The following SYNPR variants were observed in gnomAD, a reference collection of about 807,000 sequenced individuals.
The protein encoded by SYNPR is synaptoporin.
In SYNPR, 23 loss-of-function variants were observed where a neutral mutation model predicts 32.9. The observed-to-expected ratio is 0.70, with a 90% CI of 0.50 to 0.99. SYNPR has a LOEUF of 0.99. Among genes scored for constraint, SYNPR ranks in the 50% least tolerant of loss-of-function variants. The probability of loss-of-function intolerance (pLI) is 0.00; values close to 1 mark genes in which losing one functional copy is unlikely to be tolerated. For synonymous variants in SYNPR, 146 were observed against 135.9 expected (o/e 1.07, Z -0.52); for missense variants, 318 against 349.3 (o/e 0.91, Z 0.71).
At chr3:63,584,835 G>A (rs1703154810) in intron 4 of SYNPR, among the ~76,000 whole-genome samples, 1 of 152,052 alleles carries the variant, frequency 6.6e-6, no homozygotes, top group African/African-American at 2.4e-5. Context: ...AAGTATTTAT[G>A]GAGGAGGTTT....
At chr3:63,438,470 C>T (rs1700120611) in intron 2 of SYNPR, among the ~76,000 whole-genome samples, 1 of 152,168 alleles carries the variant, frequency 6.6e-6, no homozygotes, top group South Asian at 2.1e-4. Flanking sequence ...GCTACTGTAC[C>T]TCTCAGCTTC....
chr3:63,463,074 A>C (rs1700616836), intron 2 of SYNPR, among the ~76,000 whole-genome samples: 1 of 152,212 alleles, frequency 6.6e-6, no homozygotes, highest in Admixed American at 6.5e-5. Context: ...TTCCATTAGA[A>C]ATAAATTCTA....
At chr3:63,219,106 A>G in the SYNPR span, among the ~76,000 whole-genome samples, 1 of 152,230 alleles carries the variant, frequency 6.6e-6, no homozygotes, top group Non-Finnish European at 1.5e-5. Context: ...TTGAAGAGAA[A>G]GAAGTGGCAG....
chr3:63,329,828 G>A (rs769910454), intron 2 of SYNPR, among the ~76,000 whole-genome samples: 4 of 152,034 alleles, frequency 2.6e-5, no homozygotes, highest in Non-Finnish European at 5.9e-5. Context: ...CTAGAAATTC[G>A]CTGTCCAGGT....
chr3:63,342,240 C>T (rs2087379904), intron 2 of SYNPR, among the ~76,000 whole-genome samples: 1 of 152,178 alleles, frequency 6.6e-6, no homozygotes, highest in South Asian at 2.1e-4. Flanking sequence ...TTTCTCCATG[C>T]TACACTGCCT....
At chr3:63,414,737 A>C (rs953011121) in intron 2 of SYNPR, among the ~76,000 whole-genome samples, 2 of 152,238 alleles carry the variant, frequency 1.3e-5, no homozygotes, top group Non-Finnish European at 2.9e-5. Flanking sequence ...CCAACTGTCT[A>C]TATAAACTGA....
intron 2 of SYNPR, among the ~76,000 whole-genome samples, chr3:63,445,336 G>C (rs1294049017): frequency 6.6e-6 from 1 of 152,158 alleles, no homozygotes; most frequent in Non-Finnish European, 1.5e-5. Context: ...GAACAAAAAG[G>C]CATCTGTATC....
At chr3:63,335,999 C>A (rs530018494) in intron 2 of SYNPR, among the ~76,000 whole-genome samples, 1 of 152,192 alleles carries the variant, frequency 6.6e-6, no homozygotes, top group East Asian at 1.9e-4. Flanking sequence ...TGGCCTTGAA[C>A]TCCTAACCTC....
chr3:63,421,451 C>A (rs1699796629), intron 2 of SYNPR, among the ~76,000 whole-genome samples: 1 of 149,056 alleles, frequency 6.7e-6, no homozygotes, highest in Non-Finnish European at 1.5e-5. Flanking sequence ...ATGGATGAAT[C>A]TCAAAAATCA....
At chr3:63,408,283 GGAAGGAAGGAAGGAAGGA>G (rs2088407272) in intron 2 of SYNPR, among the ~76,000 whole-genome samples, 1 of 44,612 alleles carries the variant, frequency 2.2e-5, no homozygotes, top group African/African-American at 1.5e-4. Context: ...GAAAGAGGAA[GGAAGGAAGGAAGGAAGGA>G]AGGAAGGAAG....
intron 3 of SYNPR, among the ~76,000 whole-genome samples, chr3:63,517,670 A>C (rs1701826048): frequency 6.6e-6 from 1 of 152,158 alleles, no homozygotes; most frequent in Non-Finnish European, 1.5e-5. Flanking sequence ...ATGCACATTC[A>C]TACCACATTT....
chr3:63,273,842 C>T (rs1200563972), upstream of SYNPR, among the ~76,000 whole-genome samples: 3 of 152,112 alleles, frequency 2.0e-5, no homozygotes, highest in African/African-American at 7.2e-5. Context: ...AATTAAGACA[C>T]AGGAACATAA....
intron 3 of SYNPR, among the ~76,000 whole-genome samples, chr3:63,500,581 G>A (rs769931098): frequency 1.3e-5 from 2 of 152,208 alleles, no homozygotes; most frequent in African/African-American, 4.8e-5. Flanking sequence ...GATGTGGACT[G>A]TAATGATCAT....
At chr3:63,564,342 G>T (rs1457511231) in intron 4 of SYNPR, among the ~76,000 whole-genome samples, 4 of 151,818 alleles carry the variant, frequency 2.6e-5, no homozygotes, top group African/African-American at 4.8e-5. Flanking sequence ...GATTACAGGG[G>T]TGCACCACCA....
At chr3:63,402,773 G>C (rs1166692510) in intron 2 of SYNPR, among the ~76,000 whole-genome samples, 1 of 152,246 alleles carries the variant, frequency 6.6e-6, no homozygotes, top group Non-Finnish European at 1.5e-5. Flanking sequence ...TCCTGGTACA[G>C]AGTGGCAGCT....
intron 3 of SYNPR, among the ~76,000 whole-genome samples, chr3:63,484,495 G>A (rs891867170): frequency 2.6e-5 from 4 of 152,128 alleles, no homozygotes; most frequent in Non-Finnish European, 4.4e-5. Context: ...ATAAAAGATA[G>A]AGAAGGGCAG....
At chr3:63,439,828 A>G (rs193024096) in intron 2 of SYNPR, among the ~76,000 whole-genome samples, 41 of 152,316 alleles carry the variant, frequency 2.7e-4, no homozygotes, top group Admixed American at 2.4e-3. Context: ...TGAAAAAATT[A>G]GGTTTCTTCA....
intron 4 of SYNPR, among the ~76,000 whole-genome samples, chr3:63,571,990 A>G (rs1702895698): frequency 1.3e-5 from 2 of 152,172 alleles, no homozygotes; most frequent in Admixed American, 6.5e-5. Flanking sequence ...CAGAGCAGAC[A>G]TTCAGTAAGT....
At chr3:63,509,103 C>CATAT (rs745994932) in intron 3 of SYNPR, among the ~76,000 whole-genome samples, 2,839 of 146,882 alleles carry the variant, frequency 0.019, 81 homozygotes, top group African/African-American at 0.066. Context: ...TACCTTTCAG[C>CATAT]ATATATATAT....
Sources: gnomAD v4.1 joint callset for allele counts (sites outside exome capture counted in the v4.1 genomes callset) on GRCh38, gnomAD v4.1.1 for gene constraint, MANE v1.5 for transcripts, NCBI Gene and HGNC (gene_info 2026-07-23, HGNC 2026-07-21) for gene names.